SRR: variants seen among roughly 807,000 people sequenced by gnomAD.
The protein encoded by SRR is D-serine ammonia-lyase.
A neutral mutation model predicts 32.7 loss-of-function variants in SRR; 19 were observed. The ratio of observed to expected loss-of-function variants is 0.58; its 90% CI spans 0.40 to 0.85. The LOEUF is 0.85. Among genes scored for constraint, SRR ranks in the 40% least tolerant of loss-of-function variants. The probability of loss-of-function intolerance (pLI) is 0.00; values close to 1 mark genes in which losing one functional copy is unlikely to be tolerated. For synonymous variants in SRR, 142 were observed against 140.9 expected (o/e 1.01, Z -0.06); for missense variants, 373 against 404.7 (o/e 0.92, Z 0.67).
In SRR at chr17:2,323,097, T is replaced by A. The variant is rs76186241; in HGVS notation, c.595-39T>A. 1.9e-3 allele frequency: 2,990 copies of A among 1,597,288 alleles called. 59 individuals carry two copies. In the African/African-American group the frequency reaches 0.036, roughly 19 times the overall value. ...TCTTTTAGACATGCAGGCAATGTTGTGGTTTGTTGTTAAGATGTCTTAATA... is the reference window on the plus strand; with the variant it reads ...TCTTTTAGACATGCAGGCAATGTTGAGGTTTGTTGTTAAGATGTCTTAATA... On this transcript the variant is annotated intron_variant, in intron 6 of 7. Transcript: ENST00000344595.
intron 4 of SRR, among the ~76,000 whole-genome samples, chr17:2,319,972 C>T (rs1417760459): frequency 6.6e-6 from 1 of 151,658 alleles, no homozygotes; most frequent in African/African-American, 2.4e-5. Context: ...GCGCCTGCCA[C>T]CATGCCCAGC....
At position 2,325,249 on chromosome 17, in the gene SRR, G is replaced by C. The variant is rs900703030; in HGVS notation, c.*1376G>C. The stretch of plus-strand genomic sequence containing the variant: ...CAAATTTAAATAAACAAGAGAAAAC[G>C]GTGTTCATCTATTAAGGACCTGCAG... On this transcript the variant is annotated 3_prime_UTR_variant, in exon 8 of 8. Transcript: ENST00000344595. 24 of 1,260,430 alleles carry C rather than the reference G, an allele frequency of 1.9e-5. No homozygotes were observed. The highest frequency in any genetic ancestry group is 2.2e-5 in the Non-Finnish European group (20 of 894,146). 78.1% of individuals were successfully genotyped at this position (1,260,430 alleles called of 1,614,324 possible).
chr17:2,307,225 C>G, intron 1 of SRR: 3 of 1,293,204 alleles, frequency 2.3e-6, no homozygotes, highest in Non-Finnish European at 3.3e-6. Flanking sequence ...CTTTGATGAT[C>G]ATGACTCCGT....
intron 1 of SRR, among the ~76,000 whole-genome samples, chr17:2,314,440 A>C (rs1260610778): frequency 3.3e-5 from 5 of 151,962 alleles, no homozygotes; most frequent in African/African-American, 1.2e-4. Context: ...AAAATTAGCC[A>C]GGCATGGTGG....
chr17:2,323,695 T>C lies in SRR; in HGVS notation c.845T>C (p.Ile282Thr), dbSNP rs567278233. Reference sequence around the variant, plus strand: ...GTGTGGGAGAGGATGAAACTACTCATTGAACCTACAGCTGGTGTTGGAGTG... The same window carrying C: ...GTGTGGGAGAGGATGAAACTACTCACTGAACCTACAGCTGGTGTTGGAGTG... ...QLVWERMKLL[I>T]EPTAGVGVAA... Residue 282 changes from isoleucine to threonine, a missense_variant, in exon 8 of 8, where the codon ATT becomes ACT. Ile to Thr is a moderately conservative substitution (Grantham distance 89). Coordinates refer to ENST00000344595, the MANE Select transcript of SRR (RefSeq NM_021947.3). The C allele has an allele frequency of 1.3e-5, 21 of 1,614,214 alleles. No homozygotes were observed. Among genetic ancestry groups the C allele is most frequent in the East Asian group, 4.5e-5 (2 of 44,890 alleles).
intron 4 of SRR, among the ~76,000 whole-genome samples, chr17:2,319,628 T>A (rs2075507560): frequency 6.6e-6 from 1 of 152,050 alleles, no homozygotes; most frequent in South Asian, 2.1e-4. Flanking sequence ...CAAATCTCAG[T>A]CTGCTTTCAA....
At chr17:2,311,210 T>A (rs1484177741) in intron 1 of SRR, among the ~76,000 whole-genome samples, 3 of 151,872 alleles carry the variant, frequency 2.0e-5, no homozygotes, top group African/African-American at 7.2e-5. Flanking sequence ...GTTCTCTTGT[T>A]TTTTTGTTTT....
At chr17:2,306,167 T>C (rs897102770) in intron 1 of SRR, among the ~76,000 whole-genome samples, 1 of 151,108 alleles carries the variant, frequency 6.6e-6, no homozygotes, top group African/African-American at 2.4e-5. Context: ...TACAAAAAAA[T>C]TAGCTGGGTG....
chr17:2,317,614 TG>T (rs1567777559), intron 2 of SRR, among the ~76,000 whole-genome samples: 1 of 151,326 alleles, frequency 6.6e-6, no homozygotes. Context: ...AACCCGGCCC[TG>T]GGGGTAGACG....
At chr17:2,307,309 C>G in intron 1 of SRR, 1 of 1,090,230 alleles carries the variant, frequency 9.2e-7, no homozygotes. Context: ...CCTGTCAAAG[C>G]AAGAGATGGT....
intron 3 of SRR, among the ~76,000 whole-genome samples, chr17:2,318,552 C>A (rs1395177887): frequency 2.0e-5 from 3 of 150,784 alleles, no homozygotes; most frequent in Non-Finnish European, 4.4e-5. Context: ...GCAAGCTCCA[C>A]CTCCCGGGTT....
At chr17:2,319,983 T>C (rs1038051727) in intron 4 of SRR, among the ~76,000 whole-genome samples, 4 of 151,566 alleles carry the variant, frequency 2.6e-5, no homozygotes, top group African/African-American at 9.7e-5. Context: ...CATGCCCAGC[T>C]AATTTTTTCT....
chr17:2,305,169 C>G (rs2075377420), intron 1 of SRR, among the ~76,000 whole-genome samples: 1 of 152,126 alleles, frequency 6.6e-6, no homozygotes, highest in Admixed American at 6.5e-5. Context: ...GAAGAGGAAC[C>G]ATTTGAGTGG....
At chr17:2,307,233 C>T (rs1158110813) in intron 1 of SRR, 75 of 1,267,364 alleles carry the variant, frequency 5.9e-5, no homozygotes, top group Non-Finnish European at 7.5e-5. Flanking sequence ...ATCATGACTC[C>T]GTGGATAAGA....
rs1473170121 is a variant in SRR, at chr17:2,323,666, G to A, written c.816G>A (p.Gln272=). The A allele has an allele frequency of 1.9e-6, 3 of 1,613,966 alleles. No homozygotes were observed. The highest frequency in any genetic ancestry group is 2.7e-5 in the African/African-American group (2 of 74,936). The change falls in exon 8 of 8, where the codon CAG becomes CAA. Residue 272 remains glutamine (Q), a synonymous_variant. Transcript: ENST00000344595. ...TTCCATATCAACAGTGTGCAACCCA[G>A]CTGGTGTGGGAGAGGATGAAACTAC... The part of the protein sequence containing the change: ...VTEDEIKCAT[Q]LVWERMKLLI...
intron 6 of SRR, chr17:2,322,887 CTT>C (rs533718523): frequency 1.1e-4 from 49 of 444,988 alleles, no homozygotes; most frequent in Non-Finnish European, 2.0e-4. Flanking sequence ...ACCTCAGCCT[CTT>C]GAGTAGCTGG....
At chr17:2,303,592 G>A (rs1038250936), upstream of SRR, 2 of 1,382,676 alleles carry the variant, frequency 1.4e-6, no homozygotes, top group African/African-American at 1.5e-5. Context: ...AGGGAGGCGG[G>A]GCGGGCAGGC....
intron 1 of SRR, among the ~76,000 whole-genome samples, chr17:2,312,459 G>T (rs933506623): frequency 6.6e-6 from 1 of 152,022 alleles, no homozygotes; most frequent in Non-Finnish European, 1.5e-5. Context: ...GCCTGGCGTG[G>T]TGGCACACAC....
Position 2,324,379 on chromosome 17 carries a change from A to G in SRR, c.*506A>G, listed in dbSNP as rs367989484. ...ATTTCATGTGGCCATGGGTACCTAG[A>G]AAGACATCAGAACAAGTCGGTCAAA... On this transcript the variant is annotated 3_prime_UTR_variant, in exon 8 of 8. Coordinates refer to ENST00000344595, the MANE Select transcript of SRR (RefSeq NM_021947.3). 1.9e-6 allele frequency: 3 copies of G among 1,578,566 alleles called. No individual in the cohort carries two copies. The African/African-American group carries it at 4.1e-5, about 21-fold the overall frequency.
Sources: allele counts gnomAD v4.1 joint callset (sites outside exome capture counted in the v4.1 genomes callset), GRCh38; gene constraint gnomAD v4.1.1; transcripts MANE v1.5; gene names NCBI Gene and HGNC (gene_info 2026-07-23, HGNC 2026-07-21).